The following CAMSAP1 variants were observed in gnomAD, a reference collection of about 807,000 sequenced individuals.
CAMSAP1 encodes the protein calmodulin regulated spectrin associated protein 1.
Under a neutral mutation model 143.5 loss-of-function variants are expected in CAMSAP1, and 58 were observed. The ratio of observed to expected loss-of-function variants is 0.40; its 90% confidence interval spans 0.33 to 0.50. The LOEUF (loss-of-function observed/expected upper bound fraction) is 0.50, where lower values mean the gene tolerates loss of function less well. Among genes scored for constraint, CAMSAP1 ranks in the 20% least tolerant of loss-of-function variants. The probability of loss-of-function intolerance (pLI) is 0.45; values close to 1 mark genes in which losing one functional copy is unlikely to be tolerated. For synonymous variants in CAMSAP1, 945 were observed against 859.3 expected, an observed-to-expected ratio of 1.10 and a Z score of -1.74; for missense variants, 1,969 against 2,115.7, an observed-to-expected ratio of 0.93 and a Z score of 1.36.
intron 7 of CAMSAP1, 162 bp downstream of exon 7, chr9:135,849,975 A>G: frequency 1.8e-6 from 1 of 540,840 alleles, no homozygotes; most frequent in Non-Finnish European, 3.2e-6. Context: ...ATCACTTAGA[A>G]AGCCTTTCCC....
At chr9:135,861,102 C>T (rs1442092142) in intron 5 of CAMSAP1, among the ~76,000 whole-genome samples, 1 of 152,230 alleles carries the variant, frequency 6.6e-6, no homozygotes, top group African/African-American at 2.4e-5. Context: ...CAGGCCTCCT[C>T]AGTTCACTCC....
Position 135,822,174 on chromosome 9 carries a change from C to G in CAMSAP1, c.2487G>C (p.Glu829Asp). 6.2e-7 allele frequency: 1 copy of G among 1,613,848 alleles called. No individual in the cohort carries two copies. The highest frequency in any genetic ancestry group is 8.5e-7 in the Non-Finnish European group (1 of 1,179,892). Residue 829 changes from glutamate (E) to aspartate (D), a missense_variant, in exon 11 of 17, where the codon GAG becomes GAC. Around this residue, in one of 4 missense-constraint regions of CAMSAP1, gnomAD observed 1,390 missense variants for 1,420.8 expected, o/e 0.98. Transcript: ENST00000389532. The surrounding 1 kb of genome is among the most constrained non-coding windows in gnomAD (Gnocchi z 6.1). ...GGGAGCTGCTGGTGCTGGACTTGGTCTCACAGCTGTTGAGTCTCTGGAGCT... is the reference window on the plus strand; with the variant it reads ...GGGAGCTGCTGGTGCTGGACTTGGTGTCACAGCTGTTGAGTCTCTGGAGCT... Reference protein sequence around the residue: ...ERKLQRLNSCETKSSTSSSQK... With the variant: ...ERKLQRLNSCDTKSSTSSSQK...
At position 135,850,449 on chromosome 9, in the gene CAMSAP1, T is replaced by C. The variant is rs1255052020; in HGVS notation, c.821A>G (p.Lys274Arg). ...ACTGTCGGCCATCGACGTTACCTCC[T>C]TTAAGCATATATCTAATAGACAAAA... ...EQMKLDDICL[K>R]EVTSMADSLY... Residue 274 changes from lysine to arginine, a missense_variant, in exon 6 of 17, where the codon AAG becomes AGG. This residue lies in a region of CAMSAP1 where 221 missense variants were observed against 298.2 expected (regional missense o/e 0.74). Coordinates refer to ENST00000389532, the MANE Select transcript of CAMSAP1 (RefSeq NM_015447.4). 1 of 1,585,172 alleles carries C rather than the reference T, an allele frequency of 6.3e-7. No homozygotes were observed. The highest frequency in any genetic ancestry group is 1.9e-5 in the Admixed American group (1 of 52,430).
In CAMSAP1 at chr9:135,811,419, A is replaced by G. The variant is rs1835045838; in HGVS notation, c.4699T>C (p.Leu1567=). ...ACAGACATGGTTTTGGCTGGGATCA[A>G]GTTAAACTGTTTTCGGTCTGAGCTG... The part of the protein sequence containing the change: ...KYSSDRKQFN[L]IPAKTMSVSV... Residue 1567 remains leucine (L), a synonymous_variant, in exon 17 of 17, where the codon TTG becomes CTG. Transcript: ENST00000389532. This position sits in a 1 kb window ranked among gnomAD's most constrained non-coding sequence, Gnocchi z 4.9. The G allele has an allele frequency of 1.2e-6, 2 of 1,612,908 alleles. No individual in the cohort carries two copies. The highest frequency in any genetic ancestry group is 8.5e-7 in the Non-Finnish European group (1 of 1,179,454).
At chr9:135,849,508 G>C (rs961261733) in intron 7 of CAMSAP1, among the ~76,000 whole-genome samples, 1 of 152,144 alleles carries the variant, frequency 6.6e-6, no homozygotes, top group East Asian at 1.9e-4. Context: ...CTGTTCTTTT[G>C]CCTTTTTTTC....
chr9:135,893,403 GA>G (rs1392105182), intron 1 of CAMSAP1, among the ~76,000 whole-genome samples: 27 of 149,764 alleles, frequency 1.8e-4, no homozygotes, highest in African/African-American at 2.5e-4. Context: ...AAGGAGAAAG[GA>G]AAAAAAGAGG....
intron 1 of CAMSAP1, among the ~76,000 whole-genome samples, chr9:135,894,607 A>C (rs1237220339): frequency 6.6e-6 from 1 of 152,170 alleles, no homozygotes; most frequent in African/African-American, 2.4e-5. Context: ...AGCGACCAAA[A>C]CAGCACCACA....
chr9:135,839,285 A>G (rs1836253810), intron 7 of CAMSAP1, among the ~76,000 whole-genome samples: 1 of 152,168 alleles, frequency 6.6e-6, no homozygotes, highest in Admixed American at 6.5e-5. Flanking sequence ...CCACATGCAT[A>G]TGAATAGCTA....
intron 15 of CAMSAP1, 128 bp downstream of exon 15, chr9:135,815,762 T>C: frequency 2.6e-6 from 2 of 780,668 alleles, no homozygotes; most frequent in East Asian, 2.7e-5. Flanking sequence ...TAGCTCTCTT[T>C]CACTACATCA....
intron 1 of CAMSAP1, among the ~76,000 whole-genome samples, chr9:135,904,300 G>A (rs2131036120): frequency 6.6e-6 from 1 of 151,022 alleles, no homozygotes; most frequent in South Asian, 2.1e-4. Flanking sequence ...TCGGGAGGCT[G>A]AGGAGGGAAG....
chr9:135,870,161 A>C (rs2130953530), intron 3 of CAMSAP1, among the ~76,000 whole-genome samples: 1 of 152,332 alleles, frequency 6.6e-6, no homozygotes, highest in African/African-American at 2.4e-5. Context: ...TCAAACTCTA[A>C]TCCCCATAAT....
In CAMSAP1 at chr9:135,827,391, A is replaced by C; in HGVS notation, c.1223+16T>G. 1 of 1,483,152 alleles carries C rather than the reference A, an allele frequency of 6.7e-7. No homozygotes were observed. The highest frequency in any genetic ancestry group is 9.1e-7 in the Non-Finnish European group (1 of 1,104,858). The allele number at this position is 1,483,152 out of a possible 1,614,324, so 91.9% of individuals were successfully genotyped here. On this transcript the variant is annotated intron_variant, in intron 8 of 16. Transcript: ENST00000389532. Reference sequence around the variant, plus strand: ...AAGATGGTGAACTGATTCTGAAAGCAGAAAGACAGACTTACAGGTATTCAG... The same window carrying C: ...AAGATGGTGAACTGATTCTGAAAGCCGAAAGACAGACTTACAGGTATTCAG...
At chr9:135,865,232 AC>A in intron 4 of CAMSAP1, 3 of 1,187,260 alleles carry the variant, frequency 2.5e-6, no homozygotes, top group Non-Finnish European at 2.4e-6. Context: ...AACAACAACA[AC>A]AAAAAAACAG....
In CAMSAP1 at chr9:135,826,365, C is replaced by A. The variant is rs920170129; in HGVS notation, c.1223+1042G>T. 7.2e-5 allele frequency: 11 copies of A among 152,358 alleles called. No homozygotes were observed. Among genetic ancestry groups the A allele is most frequent in the Admixed American group, 7.2e-4 (11 of 15,294 alleles). The allele number at this position is 152,358 out of a possible 1,614,324, so 9.4% of individuals were successfully genotyped here. On this transcript the variant is annotated intron_variant, in intron 8 of 16. Coordinates refer to ENST00000389532, the MANE Select transcript of CAMSAP1 (RefSeq NM_015447.4). This position sits in a 1 kb window ranked among gnomAD's most constrained non-coding sequence, Gnocchi z 4.4. ...ATGGAGTTACCGCCCCACCTCTGCT[C>A]TGAGCTCTGGGGACAGACACCCCAG...
chr9:135,833,238 C>T (rs1181947864), intron 7 of CAMSAP1, among the ~76,000 whole-genome samples: 2 of 152,066 alleles, frequency 1.3e-5, no homozygotes, highest in East Asian at 1.9e-4. Flanking sequence ...CCCGCCACTA[C>T]GCCCGGCTAA....
At chr9:135,903,010 G>C (rs1014900892) in intron 1 of CAMSAP1, among the ~76,000 whole-genome samples, 3 of 152,150 alleles carry the variant, frequency 2.0e-5, no homozygotes, top group Non-Finnish European at 4.4e-5. Context: ...TACTTGCCCT[G>C]GGTTGTTTTT....
rs115525295 is a variant in CAMSAP1 at position 135,834,045 on chromosome 9, G to C, written c.1046-6461C>G. On this transcript the variant is annotated intron_variant, in intron 7 of 16. Coordinates refer to ENST00000389532, the MANE Select transcript of CAMSAP1 (RefSeq NM_015447.4). ...AAAGAAGACATACAGGTGGCCAACA[G>C]GTATGTGAAGAGTTGCTCAACATGG... Among the ~76,000 whole-genome samples, 776 of 152,318 alleles carry C rather than the reference G, an allele frequency of 5.1e-3. 6 individuals are homozygous for C. Among genetic ancestry groups the C allele is most frequent in the African/African-American group, 0.018 (746 of 41,564 alleles).
chr9:135,845,220 A>T (rs536987575), intron 7 of CAMSAP1, among the ~76,000 whole-genome samples: 1 of 152,342 alleles, frequency 6.6e-6, no homozygotes, highest in South Asian at 2.1e-4. Flanking sequence ...ACATATGCAA[A>T]TCAATAAACG....
chr9:135,837,057 GC>G, intron 7 of CAMSAP1: 1 of 574,998 alleles, frequency 1.7e-6, no homozygotes, highest in Non-Finnish European at 2.1e-6. Flanking sequence ...ACATCATCAT[GC>G]CCGTTCTACA....
Sources: gnomAD v4.1 joint callset for allele counts (sites outside exome capture counted in the v4.1 genomes callset) on GRCh38, gnomAD v4.1.1 for gene constraint, gnomAD v4.1.1 regional missense constraint, Gnocchi (gnomAD v3.1) non-coding constraint, MANE v1.5 for transcripts, NCBI Gene and HGNC (gene_info 2026-07-23, HGNC 2026-07-21) for gene names.